Variants in ENTHD1 observed in about 807,000 individuals in gnomAD.
ENTHD1 encodes the protein ENTH domain-containing protein 1.
A neutral mutation model predicts 39.1 loss-of-function variants in ENTHD1; 23 were observed. That is an observed-to-expected ratio of 0.59 (90% confidence interval 0.42 to 0.83). ENTHD1 has a LOEUF of 0.83. ENTHD1 is among the 40% of genes least tolerant of loss of function. The probability of loss-of-function intolerance (pLI) is 0.00; values close to 1 mark genes in which losing one functional copy is unlikely to be tolerated. For missense variants in ENTHD1, 624 were observed against 705.4 expected (o/e 0.88, Z 1.31); for synonymous variants, 230 against 258.2 (o/e 0.89, Z 1.05).
chr22:39,743,791 T>C lies in ENTHD1; in HGVS notation c.1712A>G (p.Gln571Arg), dbSNP rs1277049249. The C allele has an allele frequency of 4.3e-6, 7 of 1,614,060 alleles. No homozygotes were observed. In the Admixed American group the frequency reaches 5.0e-5, roughly 12 times the overall value. Residue 571 changes from glutamine (Q) to arginine (R), a missense_variant, in exon 7 of 7, where the codon CAA becomes CGA. Coordinates refer to ENST00000325157, the MANE Select transcript of ENTHD1 (RefSeq NM_152512.4). ...GATGTTATTGATGACATTAAGTTCT[T>C]GGATCACTGTGCTCAGATCTTCATG... The part of the protein sequence containing the change: ...RLHEDLSTVI[Q>R]ELNVINNILM...
intron 3 of ENTHD1, among the ~76,000 whole-genome samples, chr22:39,861,250 T>C (rs981329326): frequency 3.3e-5 from 5 of 152,154 alleles, no homozygotes; most frequent in Non-Finnish European, 5.9e-5. Flanking sequence ...AAAACAGTCA[T>C]AAAACTGGGC....
At chr22:39,804,084 A>G (rs1229424877) in intron 5 of ENTHD1, among the ~76,000 whole-genome samples, 8 of 152,080 alleles carry the variant, frequency 5.3e-5, no homozygotes, top group Non-Finnish European at 7.4e-5. Context: ...AGATCCCTTG[A>G]GCCTGAGAGG....
chr22:39,781,078 A>C (rs1235281891), intron 5 of ENTHD1, among the ~76,000 whole-genome samples: 1 of 152,142 alleles, frequency 6.6e-6, no homozygotes, highest in Non-Finnish European at 1.5e-5. Context: ...TTAATACCCT[A>C]TTCTCAGTAA....
At chr22:39,856,791 T>C (rs2066092284) in intron 3 of ENTHD1, among the ~76,000 whole-genome samples, 1 of 149,582 alleles carries the variant, frequency 6.7e-6, no homozygotes, top group Non-Finnish European at 1.5e-5. Flanking sequence ...AGTTCAAGGC[T>C]GCAGTGAGTC....
intron 2 of ENTHD1, among the ~76,000 whole-genome samples, chr22:39,862,572 A>G (rs2066151400): frequency 6.6e-6 from 1 of 151,932 alleles, no homozygotes; most frequent in Non-Finnish European, 1.5e-5. Context: ...AAGAAAGAAA[A>G]AGCAATAATA....
chr22:39,786,958 C>T (rs118173861), intron 5 of ENTHD1, among the ~76,000 whole-genome samples: 109 of 152,300 alleles, frequency 7.2e-4, no homozygotes, highest in Non-Finnish European at 1.1e-3. Flanking sequence ...TCAGATATTA[C>T]GGTTTTTCAA....
chr22:39,812,774 C>A (rs546959468), intron 5 of ENTHD1, among the ~76,000 whole-genome samples: 168 of 152,058 alleles, frequency 1.1e-3, no homozygotes, highest in Admixed American at 4.1e-3. Context: ...ACATTGGATC[C>A]CTTTGTCTTT....
chr22:39,865,119 C>T (rs979761475), intron 2 of ENTHD1, among the ~76,000 whole-genome samples: 3 of 152,042 alleles, frequency 2.0e-5, no homozygotes, highest in African/African-American at 7.2e-5. Flanking sequence ...ATGAAATATT[C>T]TCCTTGGAGT....
intron 5 of ENTHD1, among the ~76,000 whole-genome samples, chr22:39,815,312 G>A (rs564868543): frequency 6.6e-6 from 1 of 152,108 alleles, no homozygotes; most frequent in South Asian, 2.1e-4. Context: ...GCGTGGTGGT[G>A]CGCGCCTATA....
At chr22:39,783,400 T>C (rs1444394213) in intron 5 of ENTHD1, among the ~76,000 whole-genome samples, 1 of 151,854 alleles carries the variant, frequency 6.6e-6, no homozygotes, top group Non-Finnish European at 1.5e-5. Context: ...GAAAAAACAA[T>C]CCTAAAATTT....
At chr22:39,878,930 G>A (rs1021701182) in intron 2 of ENTHD1, among the ~76,000 whole-genome samples, 3 of 151,856 alleles carry the variant, frequency 2.0e-5, no homozygotes, top group Admixed American at 6.6e-5. Context: ...TTATTATAAG[G>A]TACTAGCACT....
intron 2 of ENTHD1, among the ~76,000 whole-genome samples, chr22:39,863,902 A>C (rs1229182501): frequency 6.6e-6 from 1 of 152,208 alleles, no homozygotes; most frequent in African/African-American, 2.4e-5. Flanking sequence ...CCTTTGCTCA[A>C]GTTGCCATCT....
chr22:39,823,406 G>A (rs1322188408), intron 4 of ENTHD1, among the ~76,000 whole-genome samples: 2 of 151,854 alleles, frequency 1.3e-5, no homozygotes, highest in Non-Finnish European at 2.9e-5. Context: ...GTGCAGTGGC[G>A]CCATCTTGGC....
intron 6 of ENTHD1, among the ~76,000 whole-genome samples, chr22:39,762,911 A>G (rs1049182877): frequency 4.6e-5 from 7 of 151,762 alleles, no homozygotes; most frequent in Non-Finnish European, 1.0e-4. Flanking sequence ...CTTTTCTCCT[A>G]TATTTCTGGC....
At chr22:39,762,084 T>G (rs948707771) in intron 6 of ENTHD1, among the ~76,000 whole-genome samples, 1 of 152,226 alleles carries the variant, frequency 6.6e-6, no homozygotes, top group Non-Finnish European at 1.5e-5. Context: ...GGTTGGAAGA[T>G]AACTTGCCTG....
At chr22:39,851,316 T>A (rs564735196) in intron 3 of ENTHD1, among the ~76,000 whole-genome samples, 2 of 152,334 alleles carry the variant, frequency 1.3e-5, no homozygotes, top group South Asian at 2.1e-4. Flanking sequence ...TTTTTTTAGT[T>A]CAGTAGTATT....
chr22:39,839,265 T>G (rs2065927458), intron 3 of ENTHD1, among the ~76,000 whole-genome samples: 1 of 152,200 alleles, frequency 6.6e-6, no homozygotes, highest in South Asian at 2.1e-4. Flanking sequence ...ACTAGGTATA[T>G]AAGTCTAACA....
chr22:39,819,027 C>T (rs189469532), intron 5 of ENTHD1, among the ~76,000 whole-genome samples: 35 of 152,032 alleles, frequency 2.3e-4, no homozygotes, highest in South Asian at 6.2e-4. Flanking sequence ...TTACAGTAGG[C>T]GAATGGATAA....
chr22:39,864,020 G>C (rs772665433), intron 2 of ENTHD1, among the ~76,000 whole-genome samples: 2 of 152,120 alleles, frequency 1.3e-5, no homozygotes, highest in Non-Finnish European at 2.9e-5. Flanking sequence ...AGCTTCCTAT[G>C]ATCAGTTTGC....
Sources: allele counts gnomAD v4.1 joint callset (sites outside exome capture counted in the v4.1 genomes callset), GRCh38; gene constraint gnomAD v4.1.1; transcripts MANE v1.5; gene names NCBI Gene and HGNC (gene_info 2026-07-23, HGNC 2026-07-21).